SLC5A3: variants seen among roughly 807,000 people sequenced by gnomAD.
SLC5A3 encodes sodium/myo-inositol cotransporter.
A neutral mutation model predicts 43.2 loss-of-function variants in SLC5A3; 10 were observed. That is an observed-to-expected ratio of 0.23 (90% CI 0.14 to 0.39). The LOEUF (loss-of-function observed/expected upper bound fraction) is 0.39. Ranked by LOEUF, SLC5A3 falls within the 10% of genes least tolerant of loss-of-function variation. SLC5A3 has a pLI of 1.00. For missense variants in SLC5A3, 608 were observed against 893.4 expected (o/e 0.68, Z 4.07); for synonymous variants, 349 against 322.0 (o/e 1.08, Z -0.90).
intron 1 of SLC5A3, among the ~76,000 whole-genome samples, chr21:34,078,785 CTG>C (rs1042878958): frequency 2.6e-5 from 4 of 152,126 alleles, no homozygotes; most frequent in African/African-American, 9.7e-5. Context: ...TGATAAAATA[CTG>C]TGTGATTACT....
Position 34,104,728 on chromosome 21 carries a change from AG to A in SLC5A3, c.*7375del, listed in dbSNP as rs1467264793. 1.0e-6 allele frequency: 1 copy of A among 999,302 alleles called. No individual in the cohort carries two copies. Among genetic ancestry groups the A allele is most frequent in the East Asian group, 1.1e-4 (1 of 8,838 alleles). The allele number at this position is 999,302 out of a possible 1,614,324, so 61.9% of individuals were successfully genotyped here. ...AGGGGAAGAAGATTACCAGAAGTGC[AG>A]GAAAGAGAAGTTTGAGGAACACCCT... On this transcript the variant is annotated 3_prime_UTR_variant, in exon 2 of 2. Transcript: ENST00000381151.
At chr21:34,085,379 G>A (rs1455557564) in intron 1 of SLC5A3, among the ~76,000 whole-genome samples, 1 of 152,132 alleles carries the variant, frequency 6.6e-6, no homozygotes, top group African/African-American at 2.4e-5. Context: ...CATTTGGTTA[G>A]GTGGCATTCA....
intron 1 of SLC5A3, among the ~76,000 whole-genome samples, chr21:34,087,638 A>G (rs1978463525): frequency 6.6e-6 from 1 of 152,256 alleles, no homozygotes; most frequent in Admixed American, 6.5e-5. Context: ...GAGAGGAGAC[A>G]GGTCTTGTGG....
rs1199736748 is a variant in SLC5A3, at chr21:34,104,641, G to A, written c.*7286G>A. On this transcript the variant is annotated 3_prime_UTR_variant, in exon 2 of 2. Transcript: ENST00000381151. ...GAGAGATTATTCTTGCCAGCAAAAAGCTAGCCAGGAATGAGCCTACCACAT... is the reference window on the plus strand; with the variant it reads ...GAGAGATTATTCTTGCCAGCAAAAAACTAGCCAGGAATGAGCCTACCACAT... 2.0e-6 allele frequency: 2 copies of A among 1,000,188 alleles called. No homozygotes were observed. Among genetic ancestry groups the A allele is most frequent in the Non-Finnish European group, 1.2e-6 (1 of 829,974 alleles). The allele number at this position is 1,000,188 out of a possible 1,614,324, so 62.0% of individuals were successfully genotyped here.
Position 34,073,589 on chromosome 21 carries a change from C to T in SLC5A3, c.-493C>T, listed in dbSNP as rs1250000429. 3.2e-6 allele frequency: 3 copies of T among 946,204 alleles called. No homozygotes were observed. The highest frequency in any genetic ancestry group is 1.5e-5 in the South Asian group (1 of 67,748). The allele number at this position is 946,204 out of a possible 1,614,324, so 58.6% of individuals were successfully genotyped here. A position where few individuals can be genotyped will look rare whatever the true frequency, so the allele number is the denominator to read the frequency against. ...CGCTCTCGGACCGTGCTTTCGCCGC[C>T]TGGGAGCCGTCCGGCGCAGCAGTTT... On this transcript the variant is annotated 5_prime_UTR_variant, in exon 1 of 2. Transcript: ENST00000381151.
chr21:34,095,230 C>T lies in SLC5A3; in HGVS notation c.32C>T (p.Ala11Val). 6.2e-7 allele frequency: 1 copy of T among 1,612,874 alleles called. No individual in the cohort carries two copies. Among genetic ancestry groups the T allele is most frequent in the South Asian group, 1.1e-5 (1 of 90,870 alleles). The change falls in exon 2 of 2, where the codon GCC becomes GTC. Residue 11 changes from alanine to valine, a missense_variant. Ala to Val is a moderately conservative substitution (Grantham distance 64). Transcript: ENST00000381151. Reference sequence around the variant, plus strand: ...GCTGTACTGGACACAGCAGACATTGCCATAGTGGCCCTGTATTTTATCCTG... The same window carrying T: ...GCTGTACTGGACACAGCAGACATTGTCATAGTGGCCCTGTATTTTATCCTG... MRAVLDTADIAIVALYFILVM... is the reference protein window; with the variant it reads MRAVLDTADIVIVALYFILVM...
chr21:34,094,211 T>C (rs561411340), intron 1 of SLC5A3, among the ~76,000 whole-genome samples: 94 of 152,324 alleles, frequency 6.2e-4, no homozygotes, highest in African/African-American at 2.3e-3. Context: ...TTGTGTGGAA[T>C]GTCGTGTTTC....
In SLC5A3 at chr21:34,096,519, A is replaced by G. The variant is rs1039028792; in HGVS notation, c.1321A>G (p.Ile441Val). The G allele has an allele frequency of 7.4e-6, 12 of 1,614,044 alleles. No homozygotes were observed. In the African/African-American group the frequency reaches 9.3e-5, roughly 13 times the overall value. The change falls in exon 2 of 2, where the codon ATT becomes GTT. Residue 441 changes from isoleucine to valine, a missense_variant. This residue lies in a region of SLC5A3 where 398 missense variants were observed against 668.6 expected (regional missense o/e 0.60). Transcript: ENST00000381151. This position sits in a 1 kb window ranked among gnomAD's most constrained non-coding sequence, Gnocchi z 5.9. ...EMQGGQMYLYIQEVADYLTPP... is the reference protein window; with the variant it reads ...EMQGGQMYLYVQEVADYLTPP... ...GCAAGGAGGCCAGATGTACCTTTACATTCAGGAGGTAGCAGATTACCTGAC... is the reference window on the plus strand; with the variant it reads ...GCAAGGAGGCCAGATGTACCTTTACGTTCAGGAGGTAGCAGATTACCTGAC...
rs1979085265 is a variant in SLC5A3 at position 34,098,663 on chromosome 21, T to C, written c.*1308T>C. 4 of 1,000,120 alleles carry C rather than the reference T, an allele frequency of 4.0e-6. No individual in the cohort carries two copies. The highest frequency in any genetic ancestry group is 4.8e-6 in the Non-Finnish European group (4 of 829,996). The allele number at this position is 1,000,120 out of a possible 1,614,324, so 62.0% of individuals were successfully genotyped here. A position where few individuals can be genotyped will look rare whatever the true frequency, so the allele number is the denominator to read the frequency against. ...TTTGAGAGGTGCCAAACAAGAACTTTTGGGGTTAGTAGTGTGTCTTGTGGA... is the reference window on the plus strand; with the variant it reads ...TTTGAGAGGTGCCAAACAAGAACTTCTGGGGTTAGTAGTGTGTCTTGTGGA... On this transcript the variant is annotated 3_prime_UTR_variant, in exon 2 of 2. Transcript: ENST00000381151.
chr21:34,096,968 A>G lies in SLC5A3; in HGVS notation c.1770A>G (p.Lys590=). Residue 590 remains lysine, a synonymous_variant, in exon 2 of 2, where the codon AAA becomes AAG. Transcript: ENST00000381151. The surrounding 1 kb of genome is among the most constrained non-coding windows in gnomAD (Gnocchi z 5.9). ...ETINHIIPNG[K]SEDSIKGLQP... is the part of the protein sequence containing the mutation. ...TCAACCACATCATTCCCAACGGGAAATCTGAAGACAGCATTAAGGGCCTTC... is the reference window on the plus strand; with the variant it reads ...TCAACCACATCATTCCCAACGGGAAGTCTGAAGACAGCATTAAGGGCCTTC... 1.2e-6 allele frequency: 2 copies of G among 1,614,148 alleles called. No homozygotes were observed. The highest frequency in any genetic ancestry group is 1.7e-6 in the Non-Finnish European group (2 of 1,180,006).
chr21:34,103,943 A>G lies in SLC5A3; in HGVS notation c.*6588A>G, dbSNP rs1979360844. 1.0e-6 allele frequency: 1 copy of G among 1,000,144 alleles called. No individual in the cohort carries two copies. 62.0% of individuals were successfully genotyped at this position (1,000,144 alleles called of 1,614,324 possible). A position where few individuals can be genotyped will look rare whatever the true frequency, so the allele number is the denominator to read the frequency against. On this transcript the variant is annotated 3_prime_UTR_variant, in exon 2 of 2. Transcript: ENST00000381151. ...TTTTGGTGGGTGGAACAGGTGACAT[A>G]TTTCTGTTTTAAGCTGTAGTGTGAT... is the stretch of plus-strand genomic sequence containing the variant.
rs760172791 is a variant in SLC5A3 at position 34,095,160 on chromosome 21, C to G, written c.-39C>G. 19 of 1,423,904 alleles carry G rather than the reference C, an allele frequency of 1.3e-5. No individual in the cohort carries two copies. In the Admixed American group the frequency reaches 5.1e-4, roughly 38 times the overall value. The allele number at this position is 1,423,904 out of a possible 1,614,324, so 88.2% of individuals were successfully genotyped here. ...CTAAAAATAAATAAAAAGTTGGACA[C>G]TTCTGTCATTGGAGCGCTATTATTC... is the stretch of plus-strand genomic sequence containing the variant. On this transcript the variant is annotated 5_prime_UTR_variant, in exon 2 of 2. Coordinates refer to ENST00000381151, the MANE Select transcript of SLC5A3 (RefSeq NM_006933.7).
rs1381619345 is a variant in SLC5A3, at chr21:34,103,962, G to A, written c.*6607G>A. The stretch of plus-strand genomic sequence containing the variant: ...TGACATATTTCTGTTTTAAGCTGTA[G>A]TGTGATTGGGGTTTTTTGTAAAAAA... On this transcript the variant is annotated 3_prime_UTR_variant, in exon 2 of 2. Transcript: ENST00000381151. The A allele has an allele frequency of 2.0e-6, 2 of 1,000,184 alleles. No individual in the cohort carries two copies. The highest frequency in any genetic ancestry group is 2.4e-6 in the Non-Finnish European group (2 of 829,956). The allele number at this position is 1,000,184 out of a possible 1,614,324, so 62.0% of individuals were successfully genotyped here.
At chr21:34,078,509 A>AT (rs1895476699) in intron 1 of SLC5A3, among the ~76,000 whole-genome samples, 1 of 152,116 alleles carries the variant, frequency 6.6e-6, no homozygotes, top group African/African-American at 2.4e-5. Context: ...TGACTCACAC[A>AT]TTCAATACTG....
Position 34,104,406 on chromosome 21 carries a change from G to T in SLC5A3, c.*7051G>T. Reference sequence around the variant, plus strand: ...TCCGAGTAGCTTGTTTATCAAGAATGAATGAATGTCTTTGTCTTAAATTTT... The same window carrying T: ...TCCGAGTAGCTTGTTTATCAAGAATTAATGAATGTCTTTGTCTTAAATTTT... On this transcript the variant is annotated 3_prime_UTR_variant, in exon 2 of 2. Coordinates refer to ENST00000381151, the MANE Select transcript of SLC5A3 (RefSeq NM_006933.7). The T allele has an allele frequency of 1.0e-6, 1 of 1,000,166 alleles. No individual in the cohort carries two copies. Among genetic ancestry groups the T allele is most frequent in the Non-Finnish European group, 1.2e-6 (1 of 829,964 alleles). 62.0% of individuals were successfully genotyped at this position (1,000,166 alleles called of 1,614,324 possible).
At chr21:34,085,190 AGTGGC>A (rs1452221309) in intron 1 of SLC5A3, among the ~76,000 whole-genome samples, 2 of 152,216 alleles carry the variant, frequency 1.3e-5, no homozygotes, top group East Asian at 3.8e-4. Flanking sequence ...CATTAATAAC[AGTGGC>A]ACTTTGAGGA....
chr21:34,084,854 G>A (rs948578193), intron 1 of SLC5A3, among the ~76,000 whole-genome samples: 7 of 152,014 alleles, frequency 4.6e-5, no homozygotes, highest in Non-Finnish European at 8.8e-5. Context: ...CAGACTTAAA[G>A]AGCAGTTCAT....
chr21:34,077,313 GGAA>G (rs1232067271), intron 1 of SLC5A3, among the ~76,000 whole-genome samples: 7 of 152,210 alleles, frequency 4.6e-5, no homozygotes, highest in African/African-American at 7.2e-5. Context: ...TGGGTATACA[GGAA>G]GAAGAAATCT....
At position 34,097,401 on chromosome 21, in the gene SLC5A3, T is replaced by C. The variant is rs1979015302; in HGVS notation, c.*46T>C. 1 of 1,371,278 alleles carries C rather than the reference T, an allele frequency of 7.3e-7. No homozygotes were observed. Among genetic ancestry groups the C allele is most frequent in the East Asian group, 2.6e-5 (1 of 38,864 alleles). The allele number at this position is 1,371,278 out of a possible 1,614,324, so 84.9% of individuals were successfully genotyped here. Reference sequence around the variant, plus strand: ...ACTAACTTAAGACAATACTGACTGGTCTTTGGGGAAAAAAGTTATGTAACT... The same window carrying C: ...ACTAACTTAAGACAATACTGACTGGCCTTTGGGGAAAAAAGTTATGTAACT... On this transcript the variant is annotated 3_prime_UTR_variant, in exon 2 of 2. Transcript: ENST00000381151.
Sources: gnomAD v4.1 joint callset for allele counts (sites outside exome capture counted in the v4.1 genomes callset) on GRCh38, gnomAD v4.1.1 for gene constraint, gnomAD v4.1.1 regional missense constraint, Gnocchi (gnomAD v3.1) non-coding constraint, MANE v1.5 for transcripts, NCBI Gene and HGNC (gene_info 2026-07-23, HGNC 2026-07-21) for gene names.